The following RBFOX1 variants were observed in gnomAD, a reference collection of about 807,000 sequenced individuals.
RBFOX1 encodes RNA binding protein fox-1 homolog 1.
Under a neutral mutation model 57.7 loss-of-function variants are expected in RBFOX1, and 8 were observed. The ratio of observed to expected loss-of-function variants is 0.14; its 90% confidence interval spans 0.08 to 0.25. The LOEUF is 0.25. Among genes scored for constraint, RBFOX1 ranks in the 10% least tolerant of loss-of-function variants. The pLI, the probability that RBFOX1 is intolerant of heterozygous loss-of-function variation, is 1.00. For synonymous variants in RBFOX1, 326 were observed against 222.4 expected (o/e 1.47, Z -4.15); for missense variants, 611 against 548.5 (o/e 1.11, Z -1.14).
chr16:5,513,206 C>T (rs1321199562), intron 2 of RBFOX1, among the ~76,000 whole-genome samples: 2 of 152,112 alleles, frequency 1.3e-5, no homozygotes, highest in East Asian at 3.8e-4. Flanking sequence ...GCCAAGGTAC[C>T]CGGCTACTTT....
At chr16:6,251,819 C>T (rs977043816) in intron 1 of RBFOX1, among the ~76,000 whole-genome samples, 2 of 152,040 alleles carry the variant, frequency 1.3e-5, no homozygotes, top group Non-Finnish European at 2.9e-5. Flanking sequence ...CCCTGCCTCT[C>T]CTTGCCAGAG....
chr16:6,946,532 C>T (rs951845133), intron 3 of RBFOX1, among the ~76,000 whole-genome samples: 1 of 152,150 alleles, frequency 6.6e-6, no homozygotes, highest in African/African-American at 2.4e-5. Context: ...ACTGTGTTTT[C>T]TAAGAACCTT....
intron 1 of RBFOX1, among the ~76,000 whole-genome samples, chr16:6,173,824 G>C (rs1342625364): frequency 5.9e-5 from 9 of 151,896 alleles, no homozygotes; most frequent in Admixed American, 5.9e-4. Context: ...TGGCCAGGCT[G>C]GTCTTGAACT....
chr16:6,371,706 A>C (rs1426535597), intron 2 of RBFOX1, among the ~76,000 whole-genome samples: 1 of 152,124 alleles, frequency 6.6e-6, no homozygotes, highest in African/African-American at 2.4e-5. Context: ...TGGCTTCTGG[A>C]CCCTCTAAAT....
At chr16:6,921,358 T>C (rs887974679) in intron 3 of RBFOX1, among the ~76,000 whole-genome samples, 4 of 152,308 alleles carry the variant, frequency 2.6e-5, no homozygotes, top group Non-Finnish European at 1.5e-5. Flanking sequence ...TGTTCACATT[T>C]GGAGGCTCAA....
chr16:7,122,732 G>T (rs982377726), intron 4 of RBFOX1, among the ~76,000 whole-genome samples: 1 of 152,092 alleles, frequency 6.6e-6, no homozygotes, highest in African/African-American at 2.4e-5. Context: ...CTTACCCAAA[G>T]ATATTGTATA....
chr16:7,614,646 G>C (rs1171426513), intron 10 of RBFOX1: 4 of 152,194 alleles, frequency 2.6e-5, no homozygotes, highest in African/African-American at 7.2e-5. Flanking sequence ...GCTATGGGAA[G>C]CGAATGAGGT....
chr16:6,560,355 C>T (rs1435002397), intron 2 of RBFOX1, among the ~76,000 whole-genome samples: 1 of 126,650 alleles, frequency 7.9e-6, no homozygotes, highest in African/African-American at 2.6e-5. Context: ...GTGGAAGAAT[C>T]CATTGCAATT....
chr16:7,454,053 T>G (rs887561041), intron 4 of RBFOX1, among the ~76,000 whole-genome samples: 5 of 152,160 alleles, frequency 3.3e-5, no homozygotes, highest in Non-Finnish European at 7.3e-5. Context: ...ACCAACATGG[T>G]GAAACCCCGT....
intron 3 of RBFOX1, among the ~76,000 whole-genome samples, chr16:5,858,825 T>C (rs961968802): frequency 4.6e-5 from 7 of 152,138 alleles, no homozygotes; most frequent in African/African-American, 9.7e-5. Flanking sequence ...TGGTTAAAAT[T>C]TAAGATGAGT....
intron 2 of RBFOX1, among the ~76,000 whole-genome samples, chr16:5,574,525 C>T (rs773585764): frequency 2.0e-4 from 31 of 151,862 alleles, no homozygotes; most frequent in Admixed American, 3.9e-4. Context: ...AAGTGATTCT[C>T]GTGCCTCAGC....
At chr16:6,222,667 T>G (rs1017294075) in intron 1 of RBFOX1, among the ~76,000 whole-genome samples, 2 of 145,224 alleles carry the variant, frequency 1.4e-5, no homozygotes, top group African/African-American at 5.1e-5. Context: ...GGGTAGAATG[T>G]AAGAATTTTC....
intron 4 of RBFOX1, among the ~76,000 whole-genome samples, chr16:7,195,407 G>C (rs2086452633): frequency 6.6e-6 from 1 of 152,158 alleles, no homozygotes; most frequent in South Asian, 2.1e-4. Context: ...ATATTGAGAG[G>C]AGGTGATCAT....
At chr16:7,461,938 C>A (rs1033418271) in intron 4 of RBFOX1, among the ~76,000 whole-genome samples, 4 of 152,142 alleles carry the variant, frequency 2.6e-5, no homozygotes, top group African/African-American at 9.7e-5. Flanking sequence ...TTGTTCTTGT[C>A]TTTTAATTTT....
At chr16:5,555,344 C>A (rs370642775) in intron 2 of RBFOX1, among the ~76,000 whole-genome samples, 1 of 152,092 alleles carries the variant, frequency 6.6e-6, no homozygotes, top group Non-Finnish European at 1.5e-5. Context: ...ACCTACACCT[C>A]CTGGGCTCAA....
At chr16:6,776,844 TC>T (rs202109166) in intron 3 of RBFOX1, among the ~76,000 whole-genome samples, 2,639 of 152,356 alleles carry the variant, frequency 0.017, 80 homozygotes, top group African/African-American at 0.059. Flanking sequence ...TTTTATTTTT[TC>T]TTCGTAGCAT....
intron 4 of RBFOX1, among the ~76,000 whole-genome samples, chr16:7,380,121 A>C (rs1429281893): frequency 4.6e-5 from 7 of 152,118 alleles, no homozygotes; most frequent in Admixed American, 4.6e-4. Flanking sequence ...GCTTCCCAAA[A>C]CACTGAGACT....
chr16:5,764,673 A>G (rs1225316343), intron 3 of RBFOX1, among the ~76,000 whole-genome samples: 1 of 152,100 alleles, frequency 6.6e-6, no homozygotes, highest in Non-Finnish European at 1.5e-5. Flanking sequence ...ACCAACCTGG[A>G]CTCAGTTCCC....
chr16:7,196,160 C>A (rs374150811), intron 4 of RBFOX1, among the ~76,000 whole-genome samples: 1 of 152,116 alleles, frequency 6.6e-6, no homozygotes, highest in Non-Finnish European at 1.5e-5. Context: ...ACAGGCTTGG[C>A]CCAATAATTT....
Sources: gnomAD v4.1 joint callset for allele counts (sites outside exome capture counted in the v4.1 genomes callset) on GRCh38, gnomAD v4.1.1 for gene constraint, MANE v1.5 for transcripts, NCBI Gene and HGNC (gene_info 2026-07-23, HGNC 2026-07-21) for gene names.